Variants in HINFP observed in about 807,000 individuals in gnomAD.
HINFP encodes the protein MBD2 (methyl-CpG-binding protein)-interacting zinc finger protein.
HINFP carries 20 observed loss-of-function variants against 50.1 expected under a neutral mutation model. The ratio of observed to expected loss-of-function variants is 0.40; its 90% CI spans 0.28 to 0.58. The LOEUF (loss-of-function observed/expected upper bound fraction) is 0.58, where lower values mean the gene tolerates loss of function less well. Among genes scored for constraint, HINFP ranks in the 20% least tolerant of loss-of-function variants. HINFP has a pLI of 0.45. For missense variants in HINFP, 505 were observed against 664.1 expected, an observed-to-expected ratio of 0.76 and a Z score of 2.63; for synonymous variants, 247 against 243.7, an observed-to-expected ratio of 1.01 and a Z score of -0.13.
At chr11:119,124,401 G>T (rs1947269330) in intron 1 of HINFP, 1 of 152,156 alleles carries the variant, frequency 6.6e-6, no homozygotes. Flanking sequence ...GGTGGGGTCA[G>T]CAAGAATCCG....
At position 119,131,767 on chromosome 11, in the gene HINFP, G is replaced by C; in HGVS notation, c.524-63G>C. ...TGACTGCCGGCTGGAGAGACTCAGGGGTACCAGATCCTAGGCAAAACTGGG... is the reference window on the plus strand; with the variant it reads ...TGACTGCCGGCTGGAGAGACTCAGGCGTACCAGATCCTAGGCAAAACTGGG... On this transcript the variant is annotated intron_variant, in intron 4 of 9. Coordinates refer to ENST00000350777, the MANE Select transcript of HINFP (RefSeq NM_198971.3). The surrounding 1 kb of genome is among the most constrained non-coding windows in gnomAD (Gnocchi z 4.2). 6.2e-7 allele frequency: 1 copy of C among 1,608,720 alleles called. No individual in the cohort carries two copies. Among genetic ancestry groups the C allele is most frequent in the South Asian group, 1.1e-5 (1 of 90,890 alleles).
chr11:119,132,708 T>C lies in HINFP; in HGVS notation c.802T>C (p.Ser268Pro). ...PLCDMTCPLP[S>P]SLRNHMRFRH... ...GTGTGACATGACCTGCCCGCTGCCT[T>C]CCTCCCTCCGCAACCACATGCGCTT... Residue 268 changes from serine (S) to proline (P), a missense_variant, in exon 7 of 10, where the codon TCC becomes CCC. Coordinates refer to ENST00000350777, the MANE Select transcript of HINFP (RefSeq NM_198971.3). 1 of 1,613,972 alleles carries C rather than the reference T, an allele frequency of 6.2e-7. No individual in the cohort carries two copies. Among genetic ancestry groups the C allele is most frequent in the Non-Finnish European group, 8.5e-7 (1 of 1,180,028 alleles).
chr11:119,122,938 C>T (rs1475228559), intron 1 of HINFP, among the ~76,000 whole-genome samples: 2 of 152,024 alleles, frequency 1.3e-5, no homozygotes, highest in Non-Finnish European at 2.9e-5. Flanking sequence ...GCCTGACCAA[C>T]ATGGCAAGAC....
At position 119,130,793 on chromosome 11, in the gene HINFP, C is replaced by T. The variant is rs753810722; in HGVS notation, c.250C>T (p.Arg84Cys). The T allele has an allele frequency of 1.5e-5, 25 of 1,614,076 alleles. No homozygotes were observed. The highest frequency in any genetic ancestry group is 8.0e-5 in the African/African-American group (6 of 74,914). ...CSLDSSADLI[R>C]HVYFHCYHTK... ...TCTGGACAGTTCTGCTGACCTCATCCGCCATGTCTACTTCCACTGCTACCA... is the reference window on the plus strand; with the variant it reads ...TCTGGACAGTTCTGCTGACCTCATCTGCCATGTCTACTTCCACTGCTACCA... The change falls in exon 3 of 10, where the codon CGC (arginine) becomes TGC (cysteine). Residue 84 changes from arginine to cysteine, a missense_variant. Transcript: ENST00000350777.
rs1206043303 is a variant in HINFP at position 119,121,593 on chromosome 11, T to G, written c.-57T>G. The stretch of plus-strand genomic sequence containing the variant: ...CGTCCCTCAAGCGCCTCTCCGGAGA[T>G]GGTCTGAGGTGGGAGAAGAGCTGAA... On this transcript the variant is annotated 5_prime_UTR_variant, in exon 1 of 10. The change abolishes an upstream ATG in the 5' untranslated region. Transcript: ENST00000350777. 6.6e-6 allele frequency: 1 copy of G among 152,136 alleles called. No individual in the cohort carries two copies. Among genetic ancestry groups the G allele is most frequent in the South Asian group, 2.1e-4 (1 of 4,826 alleles). 9.4% of individuals were successfully genotyped at this position (152,136 alleles called of 1,614,324 possible).
rs1947834938 is a variant in HINFP at position 119,132,689 on chromosome 11, C to A, written c.783C>A (p.Asp261Glu). The A allele has an allele frequency of 1.2e-6, 2 of 1,614,088 alleles. No homozygotes were observed. Among genetic ancestry groups the A allele is most frequent in the Admixed American group, 1.7e-5 (1 of 60,024 alleles). Residue 261 changes from aspartate to glutamate, a missense_variant, in exon 7 of 10, where the codon GAC becomes GAA. By Grantham distance (45) the Asp-to-Glu change is conservative (BLOSUM62 2). Transcript: ENST00000350777. Reference sequence around the variant, plus strand: ...ATCACTATAAGTGCCCTCTGTGTGACATGACCTGCCCGCTGCCTTCCTCCC... The same window carrying A: ...ATCACTATAAGTGCCCTCTGTGTGAAATGACCTGCCCGCTGCCTTCCTCCC... Reference protein sequence around the residue: ...HVNHYKCPLCDMTCPLPSSLR... With the variant: ...HVNHYKCPLCEMTCPLPSSLR...
At chr11:119,126,582 G>T (rs902147738) in intron 1 of HINFP, 2 of 174,172 alleles carry the variant, frequency 1.1e-5, no homozygotes, top group African/African-American at 4.7e-5. Context: ...TTTGAACCCT[G>T]ATCCTTCTCA....
chr11:119,123,089 C>T (rs550831125), intron 1 of HINFP, among the ~76,000 whole-genome samples: 1 of 132,698 alleles, frequency 7.5e-6, no homozygotes, highest in African/African-American at 2.9e-5. Flanking sequence ...GATCACAGCA[C>T]TGCACTCCAG....
At chr11:119,133,510 C>T (rs200306520) in intron 9 of HINFP, 5 of 357,924 alleles carry the variant, frequency 1.4e-5, no homozygotes, top group Admixed American at 1.3e-4. Context: ...ACCCAGAAGG[C>T]GGAGGTTGTA....
At chr11:119,129,490 C>CTTTTTTTTCTTT (rs776476604) in intron 2 of HINFP, among the ~76,000 whole-genome samples, 1 of 124,190 alleles carries the variant, frequency 8.1e-6, no homozygotes, top group African/African-American at 3.1e-5. Context: ...TTTTTCTTTT[C>CTTTTTTTTCTTT]TTTTTTTTTT....
Position 119,131,824 on chromosome 11 carries a change from TC to T in HINFP, c.524-3del. On this transcript the variant is annotated splice_region_variant and splice_polypyrimidine_tract_variant and intron_variant, in intron 4 of 9. Transcript: ENST00000350777. The surrounding 1 kb of genome is among the most constrained non-coding windows in gnomAD (Gnocchi z 4.2). ...TGGCAGGAGACTGATAGGGCTTCCTTCCCAGGCTGTACCTGCACCTTCAAGG... is the reference window on the plus strand; with the variant it reads ...TGGCAGGAGACTGATAGGGCTTCCTTCCAGGCTGTACCTGCACCTTCAAGG... 6.2e-7 allele frequency: 1 copy of T among 1,613,858 alleles called. No homozygotes were observed. Among genetic ancestry groups the T allele is most frequent in the Non-Finnish European group, 8.5e-7 (1 of 1,180,000 alleles).
Position 119,131,428 on chromosome 11 carries a change from C to A in HINFP, c.412-107C>A. On this transcript the variant is annotated intron_variant, in intron 3 of 9. Coordinates refer to ENST00000350777, the MANE Select transcript of HINFP (RefSeq NM_198971.3). This position sits in a 1 kb window ranked among gnomAD's most constrained non-coding sequence, Gnocchi z 4.2. ...GTGCAGTGCCTTTCCTCAAAATTTC[C>A]CATCCCCATCAAGTTAATTTGGGAG... The A allele has an allele frequency of 1.2e-6, 1 of 810,058 alleles. No individual in the cohort carries two copies. 50.2% of individuals were successfully genotyped at this position (810,058 alleles called of 1,614,324 possible). A position where few individuals can be genotyped will look rare whatever the true frequency, so the allele number is the denominator to read the frequency against.
At chr11:119,125,616 T>G (rs1947348899) in intron 1 of HINFP, 2 of 152,168 alleles carry the variant, frequency 1.3e-5, no homozygotes, top group African/African-American at 4.8e-5. Flanking sequence ...AGGTCGAAGC[T>G]TCAGTGAGCT....
Position 119,132,550 on chromosome 11 carries a change from T to C in HINFP, c.731T>C (p.Leu244Ser), listed in dbSNP as rs754959400. The C allele has an allele frequency of 1.2e-6, 2 of 1,614,154 alleles. No individual in the cohort carries two copies. Among genetic ancestry groups the C allele is most frequent in the South Asian group, 1.1e-5 (1 of 91,080 alleles). Reference protein sequence around the residue: ...CSKRFATERLLRDHMRNHVNH... With the variant: ...CSKRFATERLSRDHMRNHVNH... Reference sequence around the variant, plus strand: ...AAGAGATTTGCCACAGAGCGGCTATTGCGGGACCACATGCGCAACCATGGT... The same window carrying C: ...AAGAGATTTGCCACAGAGCGGCTATCGCGGGACCACATGCGCAACCATGGT... Residue 244 changes from leucine to serine, a missense_variant, in exon 6 of 10, where the codon TTG (leucine) becomes TCG (serine). Transcript: ENST00000350777.
chr11:119,123,140 A>AAG (rs1477522253), intron 1 of HINFP, among the ~76,000 whole-genome samples: 1 of 151,090 alleles, frequency 6.6e-6, no homozygotes. Flanking sequence ...AAAAAAAAAA[A>AAG]AAAAAAAAAA....
Position 119,127,073 on chromosome 11 carries a change from C to T in HINFP, c.129C>T (p.His43=). 2 of 1,613,992 alleles carry T rather than the reference C, an allele frequency of 1.2e-6. No homozygotes were observed. Among genetic ancestry groups the T allele is most frequent in the Non-Finnish European group, 8.5e-7 (1 of 1,179,992 alleles). Residue 43 remains histidine, a synonymous_variant, in exon 2 of 10, where the codon CAC becomes CAT. Coordinates refer to ENST00000350777, the MANE Select transcript of HINFP (RefSeq NM_198971.3). The part of the protein sequence containing the change: ...FEHVTQHLQQ[H]LHGSGEEEEE... Reference sequence around the variant, plus strand: ...ATGTCACTCAGCACCTGCAGCAGCACCTGCATGGCTCTGGGGAGGAGGAGG... The same window carrying T: ...ATGTCACTCAGCACCTGCAGCAGCATCTGCATGGCTCTGGGGAGGAGGAGG...
chr11:119,127,364 T>C (rs1321386542), intron 2 of HINFP: 2 of 366,246 alleles, frequency 5.5e-6, no homozygotes, highest in Admixed American at 4.4e-5. Context: ...TTAGTGAACA[T>C]TGTTTTTGAC....
Position 119,131,926 on chromosome 11 carries a change from T to C in HINFP, c.620T>C (p.Met207Thr), listed in dbSNP as rs1350146998. 7.4e-6 allele frequency: 12 copies of C among 1,614,034 alleles called. No homozygotes were observed. Among genetic ancestry groups the C allele is most frequent in the Non-Finnish European group, 8.5e-6 (10 of 1,179,970 alleles). ...GTAGCCTGCCCCACCTGTGGGGGCA[T>C]GTTTGCCAACAATACCAAGTTCTTA... Reference protein sequence around the residue: ...KVVACPTCGGMFANNTKFLDH... With the variant: ...KVVACPTCGGTFANNTKFLDH... The change falls in exon 5 of 10, where the codon ATG (methionine) becomes ACG (threonine). Residue 207 changes from methionine (M) to threonine (T), a missense_variant. Coordinates refer to ENST00000350777, the MANE Select transcript of HINFP (RefSeq NM_198971.3). The surrounding 1 kb of genome is among the most constrained non-coding windows in gnomAD (Gnocchi z 4.2).
rs768729341 is a variant in HINFP at position 119,126,999 on chromosome 11, T to G, written c.55T>G (p.Trp19Gly). 1 of 1,613,962 alleles carries G rather than the reference T, an allele frequency of 6.2e-7. No homozygotes were observed. Among genetic ancestry groups the G allele is most frequent in the Non-Finnish European group, 8.5e-7 (1 of 1,179,960 alleles). ...RKENLWLQCE[W>G]GSCSFVCSTM... ...GGAGAATCTGTGGCTACAGTGTGAGTGGGGGTCCTGCTCCTTTGTGTGCTC... is the reference window on the plus strand; with the variant it reads ...GGAGAATCTGTGGCTACAGTGTGAGGGGGGGTCCTGCTCCTTTGTGTGCTC... The change falls in exon 2 of 10, where the codon TGG (tryptophan) becomes GGG (glycine). Residue 19 changes from tryptophan (W) to glycine (G), a missense_variant. Transcript: ENST00000350777.
Sources: allele counts gnomAD v4.1 joint callset (sites outside exome capture counted in the v4.1 genomes callset), GRCh38; gene constraint gnomAD v4.1.1; non-coding constraint Gnocchi (gnomAD v3.1); transcripts MANE v1.5; gene names NCBI Gene and HGNC (gene_info 2026-07-23, HGNC 2026-07-21).